TMEM181: variants seen among roughly 807,000 people sequenced by gnomAD.
TMEM181 encodes transmembrane protein 181.
TMEM181 carries 39 observed loss-of-function variants against 71.9 expected under a neutral mutation model. That is an observed-to-expected ratio of 0.54 (90% CI 0.42 to 0.71). The LOEUF (loss-of-function observed/expected upper bound fraction) is 0.71, where lower values mean the gene tolerates loss of function less well. Ranked by LOEUF, TMEM181 falls within the 30% of genes least tolerant of loss-of-function variation. TMEM181 has a pLI of 0.00. For missense variants in TMEM181, 595 were observed against 583.0 expected (o/e 1.02, Z -0.21); for synonymous variants, 245 against 228.8 (o/e 1.07, Z -0.64).
intron 1 of TMEM181, among the ~76,000 whole-genome samples, chr6:158,570,533 G>A (rs1015664993): frequency 6.6e-5 from 10 of 151,994 alleles, no homozygotes; most frequent in African/African-American, 1.2e-4. Flanking sequence ...GAGCCACTGC[G>A]CCCGGCCCCG....
At chr6:158,617,044 T>C (rs1450457788) in intron 10 of TMEM181, among the ~76,000 whole-genome samples, 1 of 152,228 alleles carries the variant, frequency 6.6e-6, no homozygotes, top group Non-Finnish European at 1.5e-5. Flanking sequence ...ATTGGAATAG[T>C]TTCAGAAAGA....
intron 11 of TMEM181, among the ~76,000 whole-genome samples, chr6:158,623,906 G>A (rs887530102): frequency 2.0e-5 from 3 of 152,046 alleles, no homozygotes; most frequent in African/African-American, 7.3e-5. Flanking sequence ...GACGATAGGC[G>A]TGCGCCACCA....
upstream of TMEM181, among the ~76,000 whole-genome samples, chr6:158,555,104 AT>A (rs1781837352): frequency 6.6e-6 from 1 of 152,232 alleles, no homozygotes; most frequent in Admixed American, 6.5e-5. Context: ...TAACAAATGT[AT>A]CTTTTGTTTG....
At chr6:158,551,967 G>A (rs1404263101) in intron 1 of TMEM181, among the ~76,000 whole-genome samples, 1 of 152,102 alleles carries the variant, frequency 6.6e-6, no homozygotes, top group African/African-American at 2.4e-5. Flanking sequence ...ATTTAATTTA[G>A]AATTTTGATC....
At chr6:158,571,262 A>G (rs1294507138) in intron 1 of TMEM181, among the ~76,000 whole-genome samples, 1 of 151,678 alleles carries the variant, frequency 6.6e-6, no homozygotes, top group Non-Finnish European at 1.5e-5. Context: ...GCGCCCGGCT[A>G]ATTTTTTGTG....
chr6:158,569,818 C>G (rs1238377806), intron 1 of TMEM181, among the ~76,000 whole-genome samples: 1 of 152,114 alleles, frequency 6.6e-6, no homozygotes, highest in Non-Finnish European at 1.5e-5. Flanking sequence ...CAAGGCTGGT[C>G]CCGAATTCCT....
At chr6:158,627,229 C>G (rs778055921) in intron 13 of TMEM181, among the ~76,000 whole-genome samples, 9 of 152,196 alleles carry the variant, frequency 5.9e-5, no homozygotes, top group Non-Finnish European at 1.2e-4. Flanking sequence ...CTCAAATTAC[C>G]TAGTCCCCAA....
rs1302745397 is a variant in TMEM181 at position 158,560,979 on chromosome 6, G to C, written c.8+747G>C. 2.6e-5 allele frequency among the ~76,000 whole-genome samples: 4 copies of C among 152,282 alleles called. No individual in the cohort carries two copies. The East Asian group carries it at 7.7e-4, about 29-fold the overall frequency. On this transcript the variant is annotated intron_variant, in intron 1 of 16. Coordinates refer to ENST00000684151, the MANE Select transcript of TMEM181 (RefSeq NM_001376852.1). ...AGAAGGAGACGGAGTTAACCAGAGG[G>C]TTAGCGCCGCGTGGAGTTGCAGAAA... is the stretch of plus-strand genomic sequence containing the variant.
At chr6:158,560,517 C>G (rs1210332135) in intron 1 of TMEM181, among the ~76,000 whole-genome samples, 1 of 152,194 alleles carries the variant, frequency 6.6e-6, no homozygotes, top group South Asian at 2.1e-4. Context: ...AGCCACAGCG[C>G]TCACCGGGGG....
intron 6 of TMEM181, among the ~76,000 whole-genome samples, chr6:158,593,825 G>T (rs1784242474): frequency 6.6e-6 from 1 of 151,704 alleles, no homozygotes; most frequent in Non-Finnish European, 1.5e-5. Flanking sequence ...TGCTCTCTCC[G>T]CCCACACATG....
intron 10 of TMEM181, chr6:158,610,343 G>T: frequency 7.0e-6 from 2 of 287,562 alleles, no homozygotes; most frequent in East Asian, 7.8e-5. Flanking sequence ...AGCTCCCCCC[G>T]TAGGCAATTT....
In TMEM181 at chr6:158,605,365, G is replaced by C. The variant is rs1338979171; in HGVS notation, c.573+18G>C. 6 of 1,611,998 alleles carry C rather than the reference G, an allele frequency of 3.7e-6. No homozygotes were observed. The Admixed American group carries it at 1.0e-4, about 27-fold the overall frequency. On this transcript the variant is annotated intron_variant, in intron 7 of 16. Transcript: ENST00000684151. Reference sequence around the variant, plus strand: ...TCGTCACTGTGAGTACCATTCGCCTGATGGACCGCAGCAGATCCCAGCCAG... The same window carrying C: ...TCGTCACTGTGAGTACCATTCGCCTCATGGACCGCAGCAGATCCCAGCCAG...
At chr6:158,566,934 G>A (rs1429178131) in intron 1 of TMEM181, among the ~76,000 whole-genome samples, 1 of 152,168 alleles carries the variant, frequency 6.6e-6, no homozygotes, top group East Asian at 1.9e-4. Context: ...TGCCATTTTG[G>A]GGATAGGCAT....
chr6:158,542,396 A>G (rs1159176423), intron 1 of TMEM181, among the ~76,000 whole-genome samples: 2 of 152,222 alleles, frequency 1.3e-5, no homozygotes, highest in African/African-American at 2.4e-5. Context: ...ATCATCTTAT[A>G]TAATCTTCCC....
At chr6:158,627,322 G>C (rs1786375036) in intron 13 of TMEM181, among the ~76,000 whole-genome samples, 1 of 152,168 alleles carries the variant, frequency 6.6e-6, no homozygotes. Context: ...AGGTGTTAGG[G>C]GACTCATTTA....
At chr6:158,595,244 A>C (rs568092070) in intron 6 of TMEM181, among the ~76,000 whole-genome samples, 1 of 152,336 alleles carries the variant, frequency 6.6e-6, no homozygotes, top group South Asian at 2.1e-4. Flanking sequence ...ATTTCTATCT[A>C]ATCTGGCTTT....
chr6:158,561,842 C>T (rs1174891858), intron 1 of TMEM181, among the ~76,000 whole-genome samples: 1 of 152,070 alleles, frequency 6.6e-6, no homozygotes, highest in Non-Finnish European at 1.5e-5. Flanking sequence ...GGAAATCAGC[C>T]CACCACCATC....
chr6:158,608,613 C>G, intron 9 of TMEM181, 46 bp from the exon 10 acceptor site: 1 of 1,596,022 alleles, frequency 6.3e-7, no homozygotes, highest in Non-Finnish European at 8.5e-7. Context: ...GTACAATTAC[C>G]AATTTGGTTT....
intron 10 of TMEM181, chr6:158,611,474 C>G (rs1027551304): frequency 1.9e-6 from 1 of 532,274 alleles, no homozygotes; most frequent in Admixed American, 2.0e-5. Context: ...GTTCCTCAGT[C>G]GTATCATTCT....
Sources: allele counts gnomAD v4.1 joint callset (sites outside exome capture counted in the v4.1 genomes callset), GRCh38; gene constraint gnomAD v4.1.1; transcripts MANE v1.5; gene names NCBI Gene and HGNC (gene_info 2026-07-23, HGNC 2026-07-21).